Variants in ATF7IP2 observed in about 807,000 individuals in gnomAD.
ATF7IP2 encodes activating transcription factor 7-interacting protein 2.
Under a neutral mutation model 64.2 loss-of-function variants are expected in ATF7IP2, and 42 were observed. The ratio of observed to expected loss-of-function variants is 0.65; its 90% CI spans 0.51 to 0.85. The LOEUF is 0.85. Ranked by LOEUF, ATF7IP2 falls within the 40% of genes least tolerant of loss-of-function variation. The pLI, the probability that ATF7IP2 is intolerant of heterozygous loss-of-function variation, is 0.00. For synonymous variants in ATF7IP2, 308 were observed against 272.8 expected, an observed-to-expected ratio of 1.13 and a Z score of -1.27; for missense variants, 933 against 784.2, an observed-to-expected ratio of 1.19 and a Z score of -2.27.
chr16:10,431,728 C>A (rs1479518000), intron 5 of ATF7IP2, among the ~76,000 whole-genome samples: 8 of 151,410 alleles, frequency 5.3e-5, no homozygotes, highest in Admixed American at 5.3e-4. Flanking sequence ...TGGTTCATTT[C>A]ATATACATCT....
In ATF7IP2 at chr16:10,433,577, C is replaced by G. The variant is rs1472006799; in HGVS notation, c.888C>G (p.Arg296=). The change falls in exon 6 of 14, where the codon CGC becomes CGG. Residue 296 remains arginine, a synonymous_variant. Coordinates refer to ENST00000562102, the MANE Select transcript of ATF7IP2 (RefSeq NM_001393719.1). The part of the protein sequence containing the change: ...MFSENEENVK[R]MKTSEQINEN... ...CAGAAAACGAGGAAAATGTTAAACG[C>G]ATGAAAACTTCAGAGCAAATTAATG... 1.9e-6 allele frequency: 3 copies of G among 1,612,988 alleles called. No homozygotes were observed. The African/African-American group carries it at 4.0e-5, about 22-fold the overall frequency.
At chr16:10,431,938 C>T (rs2141881655) in intron 5 of ATF7IP2, among the ~76,000 whole-genome samples, 1 of 150,592 alleles carries the variant, frequency 6.6e-6, no homozygotes, top group South Asian at 2.1e-4. Context: ...ATTTGCCTGC[C>T]TCAGCCTCCT....
chr16:10,473,878 A>T, intron 11 of ATF7IP2, 45 bp from the exon 12 acceptor site: 2 of 1,208,568 alleles, frequency 1.7e-6, no homozygotes, highest in Non-Finnish European at 2.3e-6. Context: ...AAACATTTTC[A>T]GCTATTGAGG....
At chr16:10,463,421 T>C (rs12596443) in intron 9 of ATF7IP2, among the ~76,000 whole-genome samples, 70,629 of 152,168 alleles carry the variant, frequency 0.46, 17,234 homozygotes, top group East Asian at 0.56. Context: ...AGTGACATTA[T>C]TTTTGTAGGT....
At position 10,433,660 on chromosome 16, in the gene ATF7IP2, G is replaced by T; in HGVS notation, c.960+11G>T. The stretch of plus-strand genomic sequence containing the variant: ...GCATTCCTGGAACAGGTAAAATATT[G>T]GGGCTTAAATGGAACTTTTACTTTT... On this transcript the variant is annotated intron_variant, in intron 6 of 13. Coordinates refer to ENST00000562102, the MANE Select transcript of ATF7IP2 (RefSeq NM_001393719.1). The T allele has an allele frequency of 6.2e-7, 1 of 1,611,926 alleles. No individual in the cohort carries two copies. Among genetic ancestry groups the T allele is most frequent in the South Asian group, 1.1e-5 (1 of 90,880 alleles).
intron 12 of ATF7IP2, among the ~76,000 whole-genome samples, chr16:10,479,988 T>TTTTTTTTTTTTTTTTTTTG: frequency 1.5e-5 from 1 of 65,840 alleles, no homozygotes. Context: ...TTTTTTTTTT[T>TTTTTTTTTTTTTTTTTTTG]TTTTTTTTTT....
At chr16:10,400,839 G>T (rs578135763) in intron 1 of ATF7IP2, among the ~76,000 whole-genome samples, 4 of 152,178 alleles carry the variant, frequency 2.6e-5, no homozygotes, top group Admixed American at 1.3e-4. Flanking sequence ...CCGCCACCAT[G>T]CCCAACTAAA....
chr16:10,478,309 T>G lies in ATF7IP2; in HGVS notation c.1550-2570T>G, dbSNP rs1458512112. ...TGGTACTGGTACCAAAACAGAGATA[T>G]AGATCAATGGAACAGAACAGAGCCC... is the stretch of plus-strand genomic sequence containing the variant. On this transcript the variant is annotated intron_variant, in intron 12 of 13. Transcript: ENST00000562102. Among the ~76,000 whole-genome samples, 11 of 151,426 alleles carry G rather than the reference T, an allele frequency of 7.3e-5. No homozygotes were observed. The East Asian group carries it at 2.1e-3, about 29-fold the overall frequency.
chr16:10,390,692 G>A (rs1032547629), intron 1 of ATF7IP2, among the ~76,000 whole-genome samples: 6 of 152,152 alleles, frequency 3.9e-5, no homozygotes, highest in African/African-American at 1.4e-4. Context: ...GGGAGGCTGA[G>A]GCAGTAGGAT....
chr16:10,387,081 A>C (rs1349886972), intron 1 of ATF7IP2: 1 of 152,172 alleles, frequency 6.6e-6, no homozygotes, highest in Non-Finnish European at 1.5e-5. Flanking sequence ...TATTCACTTA[A>C]ATTGTTATTC....
Position 10,457,444 on chromosome 16 carries a change from G to C in ATF7IP2, c.1267G>C (p.Val423Leu), listed in dbSNP as rs759459380. 5 of 1,607,250 alleles carry C rather than the reference G, an allele frequency of 3.1e-6. No individual in the cohort carries two copies. Among genetic ancestry groups the C allele is most frequent in the Non-Finnish European group, 3.4e-6 (4 of 1,177,142 alleles). The change falls in exon 9 of 14, where the codon GTG (valine) becomes CTG (leucine). Residue 423 changes from valine (V) to leucine (L), a missense_variant. Coordinates refer to ENST00000562102, the MANE Select transcript of ATF7IP2 (RefSeq NM_001393719.1). ...TAATAGTCCAATTGAAAAGTCTTCT[G>C]TGAATTATGAGCCTTCTAACCCTTC... ...SVNSPIEKSSVNYEPSNPSEK... is the reference protein window; with the variant it reads ...SVNSPIEKSSLNYEPSNPSEK...
chr16:10,433,517 T>TAG lies in ATF7IP2; in HGVS notation c.836-8_836-7insAG. 6.2e-7 allele frequency: 1 copy of TAG among 1,603,300 alleles called. No homozygotes were observed. On this transcript the variant is annotated splice_region_variant and splice_polypyrimidine_tract_variant and intron_variant, in intron 5 of 13. Coordinates refer to ENST00000562102, the MANE Select transcript of ATF7IP2 (RefSeq NM_001393719.1). ...TATCTTTCTTTCTAATCTTTTGATC[T>TAG]CCTCAAGGCCATTATCAAAAGAAGA...
chr16:10,444,178 T>C (rs1467056922), intron 8 of ATF7IP2, among the ~76,000 whole-genome samples: 2 of 152,202 alleles, frequency 1.3e-5, no homozygotes, highest in Non-Finnish European at 2.9e-5. Flanking sequence ...GTTACATTGA[T>C]AAAATAAAAT....
intron 9 of ATF7IP2, among the ~76,000 whole-genome samples, chr16:10,470,454 A>G (rs932280782): frequency 6.6e-6 from 1 of 152,166 alleles, no homozygotes; most frequent in Admixed American, 6.5e-5. Context: ...ATATCTATCA[A>G]TGCCTCAGCC....
chr16:10,466,969 T>G (rs566534476), intron 9 of ATF7IP2, among the ~76,000 whole-genome samples: 45 of 152,320 alleles, frequency 3.0e-4, no homozygotes, highest in African/African-American at 1.0e-3. Context: ...TCTGGTTTTT[T>G]TTTTGGCATG....
intron 8 of ATF7IP2, among the ~76,000 whole-genome samples, chr16:10,455,168 C>T (rs1028740295): frequency 1.3e-5 from 2 of 152,124 alleles, no homozygotes; most frequent in Non-Finnish European, 2.9e-5. Flanking sequence ...GAATATGTTA[C>T]CTTACATGGT....
At chr16:10,407,523 T>C (rs1478745024) in intron 1 of ATF7IP2, among the ~76,000 whole-genome samples, 1 of 152,236 alleles carries the variant, frequency 6.6e-6, no homozygotes, top group Non-Finnish European at 1.5e-5. Flanking sequence ...AAATTGAGTA[T>C]AGTTGCAGTA....
At chr16:10,470,222 TTA>T (rs1340336942) in intron 9 of ATF7IP2, among the ~76,000 whole-genome samples, 1 of 152,036 alleles carries the variant, frequency 6.6e-6, no homozygotes, top group Non-Finnish European at 1.5e-5. Flanking sequence ...AGTTTAGAAA[TTA>T]TATATATACA....
chr16:10,405,885 G>T (rs1238374452), intron 1 of ATF7IP2, among the ~76,000 whole-genome samples: 1 of 152,110 alleles, frequency 6.6e-6, no homozygotes, highest in East Asian at 1.9e-4. Context: ...TTGAAGTCAG[G>T]AGTTCATAAC....
Sources: allele counts gnomAD v4.1 joint callset (sites outside exome capture counted in the v4.1 genomes callset), GRCh38; gene constraint gnomAD v4.1.1; transcripts MANE v1.5; gene names NCBI Gene and HGNC (gene_info 2026-07-23, HGNC 2026-07-21).